CLEC4D: variants seen among roughly 807,000 people sequenced by gnomAD.
CLEC4D encodes C-type lectin domain family 4 member D, also known as C-type (calcium dependent, carbohydrate-recognition domain) lectin, superfamily member 8.
Under a neutral mutation model 21.1 loss-of-function variants are expected in CLEC4D, and 21 were observed. That is an observed-to-expected ratio of 1.00 (90% CI 0.71 to 1.43). CLEC4D has a LOEUF of 1.43. Among genes scored for constraint, CLEC4D ranks in the 40% most tolerant of loss-of-function variants. The pLI is 0.00. For synonymous variants in CLEC4D, 85 were observed against 83.1 expected, an observed-to-expected ratio of 1.02 and a Z score of -0.12; for missense variants, 289 against 260.7, an observed-to-expected ratio of 1.11 and a Z score of -0.75.
At chr12:8,525,498 A>G (rs1339304493), downstream of CLEC4D, among the ~76,000 whole-genome samples, 4 of 152,156 alleles carry the variant, frequency 2.6e-5, no homozygotes, top group Admixed American at 6.6e-5. Context: ...GTCAGAGACT[A>G]AGATTGCAAC....
At chr12:8,514,526 T>C (rs1329733023) in intron 1 of CLEC4D, among the ~76,000 whole-genome samples, 5 of 152,156 alleles carry the variant, frequency 3.3e-5, no homozygotes, top group Non-Finnish European at 7.4e-5. Context: ...ACACCTGTAA[T>C]TGAAATTATT....
downstream of CLEC4D, among the ~76,000 whole-genome samples, chr12:8,526,713 A>G (rs1407894146): frequency 6.6e-6 from 1 of 152,162 alleles, no homozygotes; most frequent in Non-Finnish European, 1.5e-5. Context: ...TCCTCTGTCC[A>G]GTTCTGCACT....
At chr12:8,518,869 G>A (rs768897518) in intron 3 of CLEC4D, 140 bp from the exon 4 acceptor site, 120 of 1,381,392 alleles carry the variant, frequency 8.7e-5, no homozygotes, top group Admixed American at 5.9e-4. Flanking sequence ...GGATCTTTTG[G>A]TAGGAGAACA....
chr12:8,521,486 T>TA lies in CLEC4D; in HGVS notation c.*215_*216insA. 1.0e-6 allele frequency: 1 copy of TA among 981,906 alleles called. No homozygotes were observed. 60.8% of individuals were successfully genotyped at this position (981,906 alleles called of 1,614,324 possible). A position where few individuals can be genotyped will look rare whatever the true frequency, so the allele number is the denominator to read the frequency against. The stretch of plus-strand genomic sequence containing the variant: ...GATAATGTGGTTTTTGTATGGTGTT[T>TA]GATGGAAGGAATAATCTTTCTTTGC... On this transcript the variant is annotated 3_prime_UTR_variant, in exon 6 of 6. Coordinates refer to ENST00000299665, the MANE Select transcript of CLEC4D (RefSeq NM_080387.5).
At chr12:8,525,652 C>A (rs1287959133), downstream of CLEC4D, among the ~76,000 whole-genome samples, 1 of 152,148 alleles carries the variant, frequency 6.6e-6, no homozygotes, top group East Asian at 1.9e-4. Context: ...ATTTGCCAGT[C>A]TGTGTCTTTT....
At chr12:8,529,852 T>A in the CLEC4D span, among the ~76,000 whole-genome samples, 1 of 152,022 alleles carries the variant, frequency 6.6e-6, no homozygotes, top group East Asian at 1.9e-4. Flanking sequence ...AGAAATTATC[T>A]AAAACTGAAA....
chr12:8,520,432 A>G, intron 5 of CLEC4D, 91 bp downstream of exon 5: 1 of 1,517,894 alleles, frequency 6.6e-7, no homozygotes, highest in East Asian at 2.3e-5. Context: ...GTACATTGAT[A>G]TAAAAATGTT....
chr12:8,523,819 A>T (rs905407329), downstream of CLEC4D, among the ~76,000 whole-genome samples: 1 of 152,050 alleles, frequency 6.6e-6, no homozygotes, highest in Non-Finnish European at 1.5e-5. Context: ...ATTCAATATG[A>T]TATATTGGCT....
chr12:8,529,977 TG>T, the CLEC4D span, among the ~76,000 whole-genome samples: 1 of 152,170 alleles, frequency 6.6e-6, no homozygotes, highest in African/African-American at 2.4e-5. Context: ...GAATCAGAAG[TG>T]GGCAGGAAAC....
rs1335569410 is a variant in CLEC4D, at chr12:8,521,324, A to G, written c.*53A>G. 1 of 1,569,858 alleles carries G rather than the reference A, an allele frequency of 6.4e-7. No homozygotes were observed. The highest frequency in any genetic ancestry group is 8.6e-7 in the Non-Finnish European group (1 of 1,162,298). ...AAAGAGAAAAGAAAAACCAATTAGA[A>G]TAAGGCAGAATGTACGTGCGTCATT... On this transcript the variant is annotated 3_prime_UTR_variant, in exon 6 of 6. Transcript: ENST00000299665.
chr12:8,525,734 G>A (rs765914399), downstream of CLEC4D, among the ~76,000 whole-genome samples: 24 of 152,084 alleles, frequency 1.6e-4, no homozygotes, highest in Admixed American at 3.3e-4. Context: ...TCATCATGAT[G>A]CTATTTGGTT....
Position 8,513,662 on chromosome 12 carries a change from T to C in CLEC4D, c.-71T>C. 1 of 813,994 alleles carries C rather than the reference T, an allele frequency of 1.2e-6. No homozygotes were observed. Among genetic ancestry groups the C allele is most frequent in the South Asian group, 1.4e-5 (1 of 72,210 alleles). 50.4% of individuals were successfully genotyped at this position (813,994 alleles called of 1,614,324 possible). A position where few individuals can be genotyped will look rare whatever the true frequency, so the allele number is the denominator to read the frequency against. On this transcript the variant is annotated 5_prime_UTR_variant, in exon 1 of 6. Coordinates refer to ENST00000299665, the MANE Select transcript of CLEC4D (RefSeq NM_080387.5). ...GAATATATTCCCCTATCCACAGAAATATACTCTGGGGGAAAAAAAATAGAA... is the reference window on the plus strand; with the variant it reads ...GAATATATTCCCCTATCCACAGAAACATACTCTGGGGGAAAAAAAATAGAA...
chr12:8,520,540 A>G lies in CLEC4D; in HGVS notation c.500+199A>G, dbSNP rs746767791. Among the ~76,000 whole-genome samples, 4 of 152,312 alleles carry G rather than the reference A, an allele frequency of 2.6e-5. No homozygotes were observed. In the South Asian group the frequency reaches 8.3e-4, roughly 32 times the overall value. On this transcript the variant is annotated intron_variant, in intron 5 of 5. Coordinates refer to ENST00000299665, the MANE Select transcript of CLEC4D (RefSeq NM_080387.5). Reference sequence around the variant, plus strand: ...TGCAATTTTCAGTATTCTTATTTGCACAATGTCAATAATGAAAGAATGAAT... The same window carrying G: ...TGCAATTTTCAGTATTCTTATTTGCGCAATGTCAATAATGAAAGAATGAAT...
At chr12:8,524,337 T>G (rs1173098453), downstream of CLEC4D, among the ~76,000 whole-genome samples, 1 of 143,822 alleles carries the variant, frequency 7.0e-6, no homozygotes, top group Non-Finnish European at 1.5e-5. Context: ...TTGGCTTTTT[T>G]TTTTTGTTTG....
chr12:8,521,082 A>G, intron 5 of CLEC4D, 42 bp from the exon 6 acceptor site: 3 of 1,598,470 alleles, frequency 1.9e-6, no homozygotes, highest in Non-Finnish European at 2.6e-6. Flanking sequence ...TACATTGTCT[A>G]TATATACCTA....
the CLEC4D span, among the ~76,000 whole-genome samples, chr12:8,530,930 C>T: frequency 3.9e-5 from 6 of 152,294 alleles, no homozygotes; most frequent in East Asian, 1.9e-4. Context: ...GTTGGTTGCA[C>T]GACATATATG....
chr12:8,519,181 C>T (rs1940425155), intron 4 of CLEC4D, 21 bp downstream of exon 4: 1 of 1,605,726 alleles, frequency 6.2e-7, no homozygotes, highest in South Asian at 1.1e-5. Context: ...AGGATCACAT[C>T]AGTTTCTCTG....
At chr12:8,520,200 A>G (rs766605510) in intron 4 of CLEC4D, 26 bp from the exon 5 acceptor site, 33 of 1,611,390 alleles carry the variant, frequency 2.0e-5, no homozygotes, top group Middle Eastern at 1.6e-4. Context: ...TCATGCAACT[A>G]TATTAAAATT....
chr12:8,515,518 T>C (rs1263581241), intron 2 of CLEC4D, among the ~76,000 whole-genome samples, 190 bp downstream of exon 2: 6 of 152,180 alleles, frequency 3.9e-5, no homozygotes, highest in Non-Finnish European at 8.8e-5. Flanking sequence ...TACCTTGTGA[T>C]AGAGATTGAT....
Sources: gnomAD v4.1 joint callset for allele counts (sites outside exome capture counted in the v4.1 genomes callset) on GRCh38, gnomAD v4.1.1 for gene constraint, MANE v1.5 for transcripts, NCBI Gene and HGNC (gene_info 2026-07-23, HGNC 2026-07-21) for gene names.